CNBD1: variants seen among roughly 807,000 people sequenced by gnomAD.
CNBD1 encodes the protein cyclic nucleotide-binding domain-containing protein 1.
A neutral mutation model predicts 54.4 loss-of-function variants in CNBD1; 71 were observed. That is an observed-to-expected ratio of 1.30 (90% CI 1.08 to 1.59). The LOEUF (loss-of-function observed/expected upper bound fraction) is 1.59, where lower values mean the gene tolerates loss of function less well. Among genes scored for constraint, CNBD1 ranks in the 40% most tolerant of loss-of-function variants. The probability of loss-of-function intolerance (pLI) is 0.00; values close to 1 mark genes in which losing one functional copy is unlikely to be tolerated. For missense variants in CNBD1, 659 were observed against 518.0 expected, an observed-to-expected ratio of 1.27 and a Z score of -2.64; for synonymous variants, 182 against 170.7, an observed-to-expected ratio of 1.07 and a Z score of -0.51.
chr8:87,009,868 G>A (rs755914474), intron 4 of CNBD1, among the ~76,000 whole-genome samples: 6 of 152,070 alleles, frequency 3.9e-5, no homozygotes, highest in Non-Finnish European at 7.4e-5. Flanking sequence ...CAATAATTTT[G>A]TTAAGTTCTT....
At chr8:86,945,004 A>G (rs1192100368) in intron 4 of CNBD1, among the ~76,000 whole-genome samples, 1 of 152,210 alleles carries the variant, frequency 6.6e-6, no homozygotes, top group African/African-American at 2.4e-5. Context: ...GACCACTAAC[A>G]TGATGGAGAA....
chr8:87,327,861 G>A (rs1230716598), intron 8 of CNBD1, among the ~76,000 whole-genome samples: 1 of 152,080 alleles, frequency 6.6e-6, no homozygotes, highest in Non-Finnish European at 1.5e-5. Flanking sequence ...GAGTTTTACA[G>A]TTTAAAGTTT....
chr8:87,115,080 T>A (rs140334636), intron 4 of CNBD1, among the ~76,000 whole-genome samples: 60 of 152,324 alleles, frequency 3.9e-4, no homozygotes, highest in African/African-American at 1.4e-3. Flanking sequence ...AATGGCAATT[T>A]AATCAACTTA....
chr8:87,149,466 G>C (rs1586290681), intron 4 of CNBD1, among the ~76,000 whole-genome samples: 1 of 152,312 alleles, frequency 6.6e-6, no homozygotes, highest in African/African-American at 2.4e-5. Flanking sequence ...GGCATCCTTG[G>C]CACTCTGTGC....
At chr8:87,279,973 A>AT (rs200163407) in intron 6 of CNBD1, among the ~76,000 whole-genome samples, 4 of 150,980 alleles carry the variant, frequency 2.6e-5, no homozygotes, top group Admixed American at 6.6e-5. Context: ...CCTGAAAGAT[A>AT]TTTTTTTTCT....
chr8:87,407,708 C>A (rs530344045), intron 2 of CNBD1, among the ~76,000 whole-genome samples: 5 of 151,740 alleles, frequency 3.3e-5, no homozygotes, highest in African/African-American at 9.7e-5. Flanking sequence ...AAGTAGGTAA[C>A]CCTATCTCAC....
chr8:87,095,178 T>C (rs1811293260), intron 4 of CNBD1, among the ~76,000 whole-genome samples: 1 of 152,232 alleles, frequency 6.6e-6, no homozygotes, highest in Non-Finnish European at 1.5e-5. Context: ...TTTTCTACAG[T>C]GTCATATTTC....
intron 4 of CNBD1, among the ~76,000 whole-genome samples, chr8:87,029,025 TA>T (rs1302158036): frequency 6.6e-6 from 1 of 152,254 alleles, no homozygotes; most frequent in Non-Finnish European, 1.5e-5. Flanking sequence ...TTGACACATT[TA>T]AAAAGAATGC....
At chr8:86,926,349 G>T (rs1809361029) in intron 3 of CNBD1, among the ~76,000 whole-genome samples, 1 of 152,254 alleles carries the variant, frequency 6.6e-6, no homozygotes, top group East Asian at 1.9e-4. Flanking sequence ...GGGCCAGTGG[G>T]TCGGTCCAGG....
At chr8:87,168,865 A>G (rs1813026539) in intron 4 of CNBD1, among the ~76,000 whole-genome samples, 1 of 152,034 alleles carries the variant, frequency 6.6e-6, no homozygotes, top group Non-Finnish European at 1.5e-5. Flanking sequence ...AATCTTGGCT[A>G]TTGTAAATAG....
intron 1 of CNBD1, among the ~76,000 whole-genome samples, chr8:86,880,578 C>T (rs1480451676): frequency 6.6e-6 from 1 of 151,936 alleles, no homozygotes; most frequent in African/African-American, 2.4e-5. Context: ...AACCAACACC[C>T]CATGGATATT....
chr8:87,129,096 T>TAAAAAAAAAAA, intron 4 of CNBD1, among the ~76,000 whole-genome samples: 3 of 34,740 alleles, frequency 8.6e-5, no homozygotes, highest in East Asian at 4.0e-4. Flanking sequence ...AAAAAAGAAT[T>TAAAAAAAAAAA]TTGCTATCTT....
In CNBD1 at chr8:87,096,959, G is replaced by A. The variant is rs1734191307; in HGVS notation, c.432-109034G>A. Among the ~76,000 whole-genome samples the A allele has an allele frequency of 3.3e-5, 5 of 152,192 alleles. No homozygotes were observed. In the South Asian group the frequency reaches 1.0e-3, roughly 32 times the overall value. On this transcript the variant is annotated intron_variant, in intron 4 of 10. Coordinates refer to ENST00000518476, the MANE Select transcript of CNBD1 (RefSeq NM_173538.3). ...AAGTGTTAATCAAAGCAAGCAAGAA[G>A]CAGCAGCTCAGGATATACTTGGAAG...
chr8:87,353,323 A>G (rs1313313321), intron 9 of CNBD1, among the ~76,000 whole-genome samples: 1 of 152,146 alleles, frequency 6.6e-6, no homozygotes, highest in Non-Finnish European at 1.5e-5. Flanking sequence ...AAATGAAACT[A>G]TGCTCACAAA....
chr8:86,992,295 G>A (rs1289812610), intron 4 of CNBD1, among the ~76,000 whole-genome samples: 1 of 151,610 alleles, frequency 6.6e-6, no homozygotes. Context: ...ATTTTTGTTG[G>A]TTTTAAATCT....
chr8:87,133,550 T>C (rs1812164185), intron 4 of CNBD1, among the ~76,000 whole-genome samples: 1 of 152,192 alleles, frequency 6.6e-6, no homozygotes, highest in Non-Finnish European at 1.5e-5. Flanking sequence ...GCCACTCTCC[T>C]GGGTTGTTCC....
intron 4 of CNBD1, among the ~76,000 whole-genome samples, chr8:87,056,799 A>C (rs1212948590): frequency 6.6e-6 from 1 of 152,194 alleles, no homozygotes; most frequent in Non-Finnish European, 1.5e-5. Context: ...AAAATATATA[A>C]AATTTGAACA....
At chr8:87,382,502 TAAAG>T in intron 10 of CNBD1, 114 bp from the exon 11 acceptor site, 1 of 702,444 alleles carries the variant, frequency 1.4e-6, no homozygotes, top group Admixed American at 2.8e-5. Flanking sequence ...TTTTTTCTTT[TAAAG>T]CATAACCCCT....
intron 3 of CNBD1, among the ~76,000 whole-genome samples, chr8:86,936,437 GA>G (rs1251856079): frequency 6.6e-6 from 1 of 151,928 alleles, no homozygotes; most frequent in African/African-American, 2.4e-5. Context: ...AATTTGTTTG[GA>G]AAAAAATCTA....
Sources: gnomAD v4.1 joint callset for allele counts (sites outside exome capture counted in the v4.1 genomes callset) on GRCh38, gnomAD v4.1.1 for gene constraint, MANE v1.5 for transcripts, NCBI Gene and HGNC (gene_info 2026-07-23, HGNC 2026-07-21) for gene names.